QTGAL: variants seen among roughly 807,000 people sequenced by gnomAD.
QTGAL encodes the protein BGnT-like protein 1.
the QTGAL span, among the ~76,000 whole-genome samples, chr17:83,034,780 C>T: frequency 8.9e-4 from 135 of 152,296 alleles, no homozygotes; most frequent in African/African-American, 2.4e-3. Context: ...TCTCATCGGC[C>T]GCCACGTCAG....
At chr17:83,013,547 C>T in the QTGAL span, among the ~76,000 whole-genome samples, 3 of 150,598 alleles carry the variant, frequency 2.0e-5, no homozygotes, top group Non-Finnish European at 4.4e-5. Context: ...TGAACTGTCA[C>T]GAGCACCCAC....
the QTGAL span, among the ~76,000 whole-genome samples, chr17:83,016,574 G>A: frequency 6.8e-6 from 1 of 147,158 alleles, no homozygotes; most frequent in Non-Finnish European, 1.5e-5. Context: ...CAGGAGGTTG[G>A]AGAGTGGAGG....
At chr17:83,019,420 TAA>T in the QTGAL span, among the ~76,000 whole-genome samples, 3 of 152,196 alleles carry the variant, frequency 2.0e-5, no homozygotes, top group African/African-American at 7.2e-5. Context: ...TTTAAAAAAC[TAA>T]AAGATATAAG....
chr17:83,018,094 C>T, the QTGAL span, among the ~76,000 whole-genome samples: 1 of 152,038 alleles, frequency 6.6e-6, no homozygotes, highest in Non-Finnish European at 1.5e-5. Flanking sequence ...CACCGTGCGC[C>T]TGTATCAGGT....
the QTGAL span, among the ~76,000 whole-genome samples, chr17:82,970,640 G>GGCGTGGCCGCGACCTCCC: frequency 1.1e-4 from 5 of 47,250 alleles, 1 homozygote; most frequent in Non-Finnish European, 2.0e-4. Flanking sequence ...CGCGACCTCC[G>GGCGTGGCCGCGACCTCCC]CACCCGGTGT....
chr17:82,958,516 C>T, the QTGAL span, among the ~76,000 whole-genome samples: 5 of 152,192 alleles, frequency 3.3e-5, no homozygotes, highest in East Asian at 9.6e-4. Flanking sequence ...GATTCTGCTG[C>T]TGCCTCCGCC....
the QTGAL span, among the ~76,000 whole-genome samples, chr17:82,982,140 TGTGGTGATGG>T: frequency 2.6e-4 from 2 of 7,756 alleles, no homozygotes; most frequent in African/African-American, 1.9e-3. Flanking sequence ...TTCTCACCTC[TGTGGTGATGG>T]GCCGAGCGGG....
chr17:83,041,389 G>A, the QTGAL span, among the ~76,000 whole-genome samples: 1 of 152,188 alleles, frequency 6.6e-6, no homozygotes, highest in Non-Finnish European at 1.5e-5. Context: ...ACACATCCAG[G>A]AAGCTCAACA....
At chr17:83,030,017 G>A in the QTGAL span, among the ~76,000 whole-genome samples, 4 of 152,120 alleles carry the variant, frequency 2.6e-5, no homozygotes, top group Non-Finnish European at 5.9e-5. Context: ...CGCTACCCAC[G>A]AAAACAGGTA....
At chr17:82,979,891 A>G in the QTGAL span, among the ~76,000 whole-genome samples, 6 of 152,348 alleles carry the variant, frequency 3.9e-5, no homozygotes, top group Middle Eastern at 3.4e-3. Flanking sequence ...AGGTCAATGG[A>G]CTAGAACAAA....
the QTGAL span, among the ~76,000 whole-genome samples, chr17:83,010,830 C>G: frequency 1.3e-5 from 2 of 152,228 alleles, no homozygotes; most frequent in Non-Finnish European, 2.9e-5. Flanking sequence ...CCCATTCCCC[C>G]GACAGGCAAG....
the QTGAL span, among the ~76,000 whole-genome samples, chr17:82,986,252 C>T: frequency 2.0e-5 from 3 of 152,156 alleles, no homozygotes; most frequent in East Asian, 5.8e-4. Flanking sequence ...TGCGGCAGCC[C>T]GACCCCGTGG....
At chr17:82,942,675 T>C in the QTGAL span, 1 of 622,850 alleles carries the variant, frequency 1.6e-6, no homozygotes, top group Non-Finnish European at 2.8e-6. Context: ...TGAACACAAA[T>C]GTGCTTCCTA....
At chr17:82,988,343 T>C in the QTGAL span, among the ~76,000 whole-genome samples, 5 of 152,140 alleles carry the variant, frequency 3.3e-5, no homozygotes. Flanking sequence ...TTACACCTTA[T>C]ACAAAAATTA....
chr17:82,973,711 C>T, the QTGAL span, among the ~76,000 whole-genome samples: 1 of 152,138 alleles, frequency 6.6e-6, no homozygotes. Flanking sequence ...AAGTTACCTG[C>T]GTGTAGTTGT....
At chr17:82,959,345 C>T in the QTGAL span, among the ~76,000 whole-genome samples, 2 of 151,470 alleles carry the variant, frequency 1.3e-5, no homozygotes, top group African/African-American at 2.4e-5. Flanking sequence ...GATGTGTGTA[C>T]ATGCAGTGTG....
chr17:82,947,032 G>A, the QTGAL span: 18 of 1,514,128 alleles, frequency 1.2e-5, no homozygotes, highest in East Asian at 1.2e-4. Context: ...GGCTCTAGGA[G>A]GCCACTGTGG....
chr17:82,997,921 A>T, the QTGAL span, among the ~76,000 whole-genome samples: 1 of 59,076 alleles, frequency 1.7e-5, no homozygotes, highest in Non-Finnish European at 3.3e-5. Flanking sequence ...TAATGGGTTT[A>T]AAAAAAAAAA....
the QTGAL span, chr17:83,005,255 C>T: frequency 2.2e-5 from 33 of 1,498,388 alleles, 1 homozygote; most frequent in South Asian, 2.5e-4. This position sits in a 1 kb window ranked among gnomAD's most constrained non-coding sequence, Gnocchi z 5.6. Flanking sequence ...AAGTCAGGTA[C>T]GCAGGTGCAT....
Sources: gnomAD v4.1 joint callset for allele counts (sites outside exome capture counted in the v4.1 genomes callset) on GRCh38, gnomAD v4.1.1 for gene constraint, Gnocchi (gnomAD v3.1) non-coding constraint, MANE v1.5 for transcripts, NCBI Gene and HGNC (gene_info 2026-07-23, HGNC 2026-07-21) for gene names.